STK10: variants seen among roughly 807,000 people sequenced by gnomAD.
STK10 encodes the protein serine/threonine-protein kinase 10.
Under a neutral mutation model 113.8 loss-of-function variants are expected in STK10, and 78 were observed. The ratio of observed to expected loss-of-function variants is 0.69; its 90% CI spans 0.57 to 0.83. STK10 has a LOEUF of 0.83. STK10 is among the 40% of genes least tolerant of loss of function. The pLI is 0.00. For missense variants in STK10, 1,109 were observed against 1,280.1 expected (o/e 0.87, Z 2.04); for synonymous variants, 465 against 494.7 (o/e 0.94, Z 0.80).
In STK10 at chr5:172,128,174, G is replaced by A. The variant is rs775239582; in HGVS notation, c.322-753C>T. ...TCCTTCCTGACCTCGTGATCCACCCGCTGCACTCCAGCCTGGGCAATAGAG... is the reference window on the plus strand; with the variant it reads ...TCCTTCCTGACCTCGTGATCCACCCACTGCACTCCAGCCTGGGCAATAGAG... On this transcript the variant is annotated intron_variant, in intron 2 of 18. Transcript: ENST00000176763. Among the ~76,000 whole-genome samples, 9 of 128,172 alleles carry A rather than the reference G, an allele frequency of 7.0e-5. No homozygotes were observed. In the Admixed American group the frequency reaches 7.1e-4, roughly 10 times the overall value. 84.1% of individuals were successfully genotyped at this position (128,172 alleles called of 152,430 possible). A position where few individuals can be genotyped will look rare whatever the true frequency, so the allele number is the denominator to read the frequency against.
At chr5:172,107,303 G>T (rs191029676) in intron 5 of STK10, among the ~76,000 whole-genome samples, 1 of 152,290 alleles carries the variant, frequency 6.6e-6, no homozygotes. Flanking sequence ...GTAGTCAGGC[G>T]TGAAATTGAG....
chr5:172,056,906 GA>G (rs1767789010), intron 15 of STK10: 1 of 143,490 alleles, frequency 7.0e-6, no homozygotes. Flanking sequence ...AGAAGAGAAA[GA>G]AAGAAAGAAA....
rs1167626588 is a variant in STK10 at position 172,082,701 on chromosome 5, C to T, written c.1810-196G>A. ...CATTTCCTCATCTGCAAAAGGGAGA[C>T]CAGACCATGTGTTGTTGCACGGTGC... On this transcript the variant is annotated intron_variant, in intron 11 of 18. Coordinates refer to ENST00000176763, the MANE Select transcript of STK10 (RefSeq NM_005990.4). This position sits in a 1 kb window ranked among gnomAD's most constrained non-coding sequence, Gnocchi z 4.3. 1.3e-5 allele frequency among the ~76,000 whole-genome samples: 2 copies of T among 152,156 alleles called. No individual in the cohort carries two copies. Among genetic ancestry groups the T allele is most frequent in the African/African-American group, 4.8e-5 (2 of 41,416 alleles).
intron 12 of STK10, among the ~76,000 whole-genome samples, chr5:172,074,059 A>G (rs1295796600): frequency 1.3e-5 from 2 of 152,078 alleles, no homozygotes; most frequent in African/African-American, 4.8e-5. Context: ...AATGTAACAA[A>G]GAAGACCTAA....
intron 12 of STK10, 143 bp from the exon 13 acceptor site, chr5:172,064,955 C>G: frequency 2.5e-6 from 2 of 808,506 alleles, no homozygotes; most frequent in Non-Finnish European, 3.9e-6. Context: ...CGCGGCTCCC[C>G]ACCAAGCCCC....
At chr5:172,046,941 A>G (rs1251708185) in intron 18 of STK10, among the ~76,000 whole-genome samples, 1 of 152,214 alleles carries the variant, frequency 6.6e-6, no homozygotes, top group Non-Finnish European at 1.5e-5. Context: ...AGGAGGGAAG[A>G]TTTGACTTGT....
At chr5:172,185,488 G>C (rs1346790486) in intron 1 of STK10, among the ~76,000 whole-genome samples, 1 of 152,034 alleles carries the variant, frequency 6.6e-6, no homozygotes, top group Non-Finnish European at 1.5e-5. Flanking sequence ...AGTATGGTCT[G>C]AATTTCCTGA....
chr5:172,099,104 C>A (rs1288275074), intron 7 of STK10, among the ~76,000 whole-genome samples: 1 of 152,030 alleles, frequency 6.6e-6, no homozygotes, highest in Admixed American at 6.6e-5. Flanking sequence ...ATTACCATCA[C>A]CACCATCACT....
rs897537327 is a variant in STK10, at chr5:172,043,223, T to A, written c.*1659A>T. ...GATTCTCCTGCCTCAGCCTCCCGAG[T>A]AGCTGGGATTATAGGCATGCACCAC... is the stretch of plus-strand genomic sequence containing the variant. On this transcript the variant is annotated 3_prime_UTR_variant, in exon 19 of 19. Coordinates refer to ENST00000176763, the MANE Select transcript of STK10 (RefSeq NM_005990.4). 1 of 151,956 alleles carries A rather than the reference T, an allele frequency of 6.6e-6. No homozygotes were observed. Among genetic ancestry groups the A allele is most frequent in the Non-Finnish European group, 1.5e-5 (1 of 68,196 alleles). The allele number at this position is 151,956 out of a possible 1,614,324, so 9.4% of individuals were successfully genotyped here.
At position 172,043,105 on chromosome 5, in the gene STK10, T is replaced by TC. The variant is rs910414178; in HGVS notation, c.*1776_*1777insG. The TC allele has an allele frequency of 4.6e-5, 7 of 151,606 alleles. No individual in the cohort carries two copies. Among genetic ancestry groups the TC allele is most frequent in the Admixed American group, 1.3e-4 (2 of 15,206 alleles). The allele number at this position is 151,606 out of a possible 1,614,324, so 9.4% of individuals were successfully genotyped here. A position where few individuals can be genotyped will look rare whatever the true frequency, so the allele number is the denominator to read the frequency against. ...GTCTCAAAGAATTTTTTTTTTTTTT[T>TC]TTTTTGAGAGACAGAGTCTCGCCCT... On this transcript the variant is annotated 3_prime_UTR_variant, in exon 19 of 19. Transcript: ENST00000176763.
chr5:172,071,678 A>G (rs1314929229), intron 12 of STK10, among the ~76,000 whole-genome samples: 1 of 151,768 alleles, frequency 6.6e-6, no homozygotes, highest in Non-Finnish European at 1.5e-5. Flanking sequence ...GCCTCTTCCC[A>G]CCTACTTAGG....
At chr5:172,079,660 C>T (rs1198982531) in intron 12 of STK10, among the ~76,000 whole-genome samples, 1 of 152,156 alleles carries the variant, frequency 6.6e-6, no homozygotes, top group Middle Eastern at 3.4e-3. Flanking sequence ...CTCCTGGGTT[C>T]GAGCAGTTCT....
chr5:172,100,320 G>A (rs561915865), intron 7 of STK10, among the ~76,000 whole-genome samples: 1 of 152,252 alleles, frequency 6.6e-6, no homozygotes, highest in African/African-American at 2.4e-5. Context: ...AGAGGCACCG[G>A]CTGGCTGTTC....
intron 15 of STK10, among the ~76,000 whole-genome samples, chr5:172,056,206 C>T (rs1357111237): frequency 6.6e-6 from 1 of 152,238 alleles, no homozygotes. Context: ...AAGAAGCCTT[C>T]CCCGATTTCT....
chr5:172,122,240 A>G (rs568348823), intron 3 of STK10, among the ~76,000 whole-genome samples: 1 of 152,206 alleles, frequency 6.6e-6, no homozygotes, highest in Non-Finnish European at 1.5e-5. Context: ...TAAGGTATAC[A>G]GTTTTATAAA....
chr5:172,089,407 TG>T (rs1768638172), intron 10 of STK10, among the ~76,000 whole-genome samples: 2 of 147,256 alleles, frequency 1.4e-5, no homozygotes, highest in African/African-American at 2.6e-5. Context: ...GATGGATGGA[TG>T]GATGGATGGA....
chr5:172,099,750 C>CTTCA (rs1768940542), intron 7 of STK10, among the ~76,000 whole-genome samples: 1 of 152,172 alleles, frequency 6.6e-6, no homozygotes, highest in African/African-American at 2.4e-5. Context: ...TTGAGCGAAA[C>CTTCA]GCCACAGGAC....
intron 1 of STK10, among the ~76,000 whole-genome samples, chr5:172,173,186 G>A (rs1770693163): frequency 6.6e-6 from 1 of 152,180 alleles, no homozygotes; most frequent in African/African-American, 2.4e-5. Flanking sequence ...ACCTCAAAGT[G>A]GCGGTTGTGG....
intron 18 of STK10, among the ~76,000 whole-genome samples, chr5:172,048,547 G>A (rs1473580628): frequency 6.6e-6 from 1 of 151,950 alleles, no homozygotes; most frequent in Admixed American, 6.5e-5. Flanking sequence ...CAAAGCTGGT[G>A]ACCAGCAAGA....
Sources: gnomAD v4.1 joint callset for allele counts (sites outside exome capture counted in the v4.1 genomes callset) on GRCh38, gnomAD v4.1.1 for gene constraint, Gnocchi (gnomAD v3.1) non-coding constraint, MANE v1.5 for transcripts, NCBI Gene and HGNC (gene_info 2026-07-23, HGNC 2026-07-21) for gene names.